COL4A4: variants seen among roughly 807,000 people sequenced by gnomAD.
COL4A4 encodes the protein collagen alpha-4(IV) chain.
COL4A4 carries 105 observed loss-of-function variants against 192.9 expected under a neutral mutation model. The observed-to-expected ratio is 0.54, with a 90% CI of 0.46 to 0.64. The LOEUF (loss-of-function observed/expected upper bound fraction) is 0.64, where lower values mean the gene tolerates loss of function less well. COL4A4 is among the 30% of genes least tolerant of loss of function. COL4A4 has a pLI of 0.00. For missense variants in COL4A4, 1,967 were observed against 2,169.3 expected (o/e 0.91, Z 1.85); for synonymous variants, 762 against 769.9 (o/e 0.99, Z 0.17).
chr2:227,065,358 A>G (rs1222780319), intron 25 of COL4A4, among the ~76,000 whole-genome samples: 15 of 152,230 alleles, frequency 9.9e-5, no homozygotes, highest in Non-Finnish European at 1.5e-4. Context: ...CCAGAAGCTC[A>G]AACTGGGTGG....
At chr2:227,139,554 G>A (rs556469578) in intron 4 of COL4A4, among the ~76,000 whole-genome samples, 6 of 152,164 alleles carry the variant, frequency 3.9e-5, no homozygotes, top group South Asian at 2.1e-4. Context: ...CAACGCAAAC[G>A]TTCTGGGTGG....
chr2:227,008,794 G>A (rs73994328), intron 46 of COL4A4, among the ~76,000 whole-genome samples: 5,815 of 152,282 alleles, frequency 0.038, 356 homozygotes, highest in African/African-American at 0.13. Flanking sequence ...ATAAGGGATC[G>A]TGGAGCTCAG....
At chr2:226,978,282 A>T in the COL4A4 span, among the ~76,000 whole-genome samples, 520 of 152,274 alleles carry the variant, frequency 3.4e-3, 4 homozygotes, top group African/African-American at 0.012. Context: ...CCATGTACCA[A>T]TTACAACCCT....
At chr2:226,983,403 C>A in the COL4A4 span, among the ~76,000 whole-genome samples, 407 of 152,336 alleles carry the variant, frequency 2.7e-3, 4 homozygotes, top group South Asian at 0.042. Context: ...ATGTGGTTCA[C>A]TTTATTTGCT....
At chr2:227,151,136 C>A (rs931685007) in intron 1 of COL4A4, among the ~76,000 whole-genome samples, 1 of 152,024 alleles carries the variant, frequency 6.6e-6, no homozygotes, top group Admixed American at 6.6e-5. Context: ...TTTTTAAATT[C>A]ATATTTCCAT....
At chr2:227,014,869 C>G (rs1046753685) in intron 44 of COL4A4, among the ~76,000 whole-genome samples, 1 of 150,218 alleles carries the variant, frequency 6.7e-6, no homozygotes, top group Non-Finnish European at 1.5e-5. Context: ...GCTGGGACTA[C>G]AGGCACGGGC....
chr2:227,053,543 C>CTTT (rs56724633), intron 31 of COL4A4, among the ~76,000 whole-genome samples: 31 of 102,162 alleles, frequency 3.0e-4, no homozygotes, highest in East Asian at 5.4e-4. Context: ...TTTTCTTTTT[C>CTTT]TTTTTTTTTT....
In COL4A4 at chr2:227,088,735, T is replaced by A; in HGVS notation, c.1541A>T (p.Lys514Met). ...PPGLPGRQGS[K>M]GDLGLPGWLG... Reference sequence around the variant, plus strand: ...CCAGCCAGGGAGCCCCAAGTCTCCCTTACTCCCCTGCCTCCCAGGAAGTCC... The same window carrying A: ...CCAGCCAGGGAGCCCCAAGTCTCCCATACTCCCCTGCCTCCCAGGAAGTCC... The change falls in exon 22 of 48, where the codon AAG becomes ATG. Residue 514 changes from lysine to methionine, a missense_variant. By Grantham distance (95) the Lys-to-Met change is moderately conservative. Coordinates refer to ENST00000396625, the MANE Select transcript of COL4A4 (RefSeq NM_000092.5). 1 of 1,614,078 alleles carries A rather than the reference T, an allele frequency of 6.2e-7. No individual in the cohort carries two copies.
rs772758486 is a variant in COL4A4 at position 227,022,078 on chromosome 2, G to T, written c.4186C>A (p.Leu1396Ile). 2.5e-6 allele frequency: 4 copies of T among 1,614,042 alleles called. No homozygotes were observed. In the East Asian group the frequency reaches 8.9e-5, roughly 36 times the overall value. The change falls in exon 44 of 48, where the codon CTC becomes ATC. Residue 1396 changes from leucine to isoleucine, a missense_variant. Leu to Ile is a conservative substitution (Grantham distance 5). Transcript: ENST00000396625. ...CCTGAGGGGCCTCTCATTCCAGGGA[G>T]CCCCATGGCTCCTTCTGGTCCTCTC... ...GMRGPEGAMG[L>I]PGMRGPSGPG...
chr2:226,978,559 C>T, the COL4A4 span, among the ~76,000 whole-genome samples: 3 of 152,236 alleles, frequency 2.0e-5, no homozygotes, highest in African/African-American at 7.2e-5. Context: ...TAGCACTCTA[C>T]ACCTCCTTCC....
intron 37 of COL4A4, among the ~76,000 whole-genome samples, chr2:227,039,355 G>T (rs537128029): frequency 6.6e-6 from 1 of 152,188 alleles, no homozygotes; most frequent in East Asian, 1.9e-4. Context: ...TTTTAGTACA[G>T]ATGGGGTTTC....
At chr2:227,127,204 C>A (rs2062140741) in intron 4 of COL4A4, among the ~76,000 whole-genome samples, 1 of 152,220 alleles carries the variant, frequency 6.6e-6, no homozygotes, top group African/African-American at 2.4e-5. Context: ...ATGCAACTGC[C>A]TCTGCAGCTT....
chr2:227,140,140 G>A lies in COL4A4; in HGVS notation c.192+21C>T, dbSNP rs74920785. 3.5e-4 allele frequency: 562 copies of A among 1,598,966 alleles called. 1 individual carries two copies. The African/African-American group carries it at 6.3e-3, about 18-fold the overall frequency. Reference sequence around the variant, plus strand: ...CTCAAAATTCAGGAATGCTGCCCATGTTGGTCTTTACATCACTTACCCGAG... The same window carrying A: ...CTCAAAATTCAGGAATGCTGCCCATATTGGTCTTTACATCACTTACCCGAG... On this transcript the variant is annotated intron_variant, in intron 4 of 47. Transcript: ENST00000396625.
chr2:227,038,885 A>G (rs1018222946), intron 37 of COL4A4, among the ~76,000 whole-genome samples: 4 of 152,210 alleles, frequency 2.6e-5, no homozygotes, highest in African/African-American at 9.6e-5. Flanking sequence ...TATACTGCAG[A>G]TGTTTTAACT....
chr2:227,010,639 G>C, intron 45 of COL4A4, 138 bp from the exon 46 acceptor site: 1 of 630,582 alleles, frequency 1.6e-6, no homozygotes, highest in Non-Finnish European at 2.7e-6. Flanking sequence ...CTCGCCTTCT[G>C]GAACGTACAC....
At chr2:227,089,787 C>A in intron 21 of COL4A4, 81 bp downstream of exon 21, 1 of 1,124,792 alleles carries the variant, frequency 8.9e-7, no homozygotes, top group Non-Finnish European at 1.3e-6. Context: ...GAATGAAATG[C>A]CACATTACAC....
chr2:227,048,887 G>A (rs1576111763), intron 34 of COL4A4, among the ~76,000 whole-genome samples: 1 of 152,092 alleles, frequency 6.6e-6, no homozygotes, highest in African/African-American at 2.4e-5. Flanking sequence ...CCCAAGAAGG[G>A]ATCTATATTA....
At chr2:227,084,639 T>C in intron 22 of COL4A4, among the ~76,000 whole-genome samples, 2 of 152,172 alleles carry the variant, frequency 1.3e-5, no homozygotes, top group East Asian at 3.9e-4. Context: ...TAGTTTTCTT[T>C]GAAAACTACA....
chr2:227,039,081 A>G (rs1442573276), intron 37 of COL4A4, among the ~76,000 whole-genome samples: 1 of 152,142 alleles, frequency 6.6e-6, no homozygotes, highest in African/African-American at 2.4e-5. Flanking sequence ...TTAACACACT[A>G]TTTCATAGCA....
Sources: gnomAD v4.1 joint callset for allele counts (sites outside exome capture counted in the v4.1 genomes callset) on GRCh38, gnomAD v4.1.1 for gene constraint, MANE v1.5 for transcripts, NCBI Gene and HGNC (gene_info 2026-07-23, HGNC 2026-07-21) for gene names.